Variants in TBC1D12 observed in about 807,000 individuals in gnomAD.
TBC1D12 encodes the protein TBC1 domain family member 12, also known as TBC1 domain family, member 12.
TBC1D12 carries 56 observed loss-of-function variants against 86.7 expected under a neutral mutation model. The observed-to-expected ratio is 0.65, with a 90% CI of 0.52 to 0.81. The LOEUF (loss-of-function observed/expected upper bound fraction) is 0.81. TBC1D12 is among the 30% of genes least tolerant of loss of function. The pLI, the probability that TBC1D12 is intolerant of heterozygous loss-of-function variation, is 0.00. For missense variants in TBC1D12, 1,023 were observed against 1,038.8 expected (o/e 0.98, Z 0.21); for synonymous variants, 421 against 411.7 (o/e 1.02, Z -0.27).
Position 94,533,287 on chromosome 10 carries a change from T to C in TBC1D12, c.*191T>C, listed in dbSNP as rs1485441557. ...TAACTTATTGACAGTATTAATAAAC[T>C]ATTATTTTGTAGGTAGAGTCATTTT... On this transcript the variant is annotated 3_prime_UTR_variant, in exon 13 of 13. Transcript: ENST00000225235. 2.6e-6 allele frequency: 1 copy of C among 384,040 alleles called. No homozygotes were observed. The highest frequency in any genetic ancestry group is 4.3e-5 in the East Asian group (1 of 23,448). The allele number at this position is 384,040 out of a possible 1,614,324, so 23.8% of individuals were successfully genotyped here. A position where few individuals can be genotyped will look rare whatever the true frequency, so the allele number is the denominator to read the frequency against.
At chr10:94,432,964 G>A (rs959678241) in intron 1 of TBC1D12, among the ~76,000 whole-genome samples, 14 of 152,100 alleles carry the variant, frequency 9.2e-5, no homozygotes, top group African/African-American at 3.4e-4. Flanking sequence ...CAGCACTTTG[G>A]GAGGCTGAGA....
chr10:94,476,104 T>C (rs1474916084), intron 3 of TBC1D12, among the ~76,000 whole-genome samples: 2 of 152,056 alleles, frequency 1.3e-5, no homozygotes, highest in African/African-American at 4.8e-5. Flanking sequence ...CGCACCTGGC[T>C]AAAGAATTCT....
chr10:94,487,498 AC>A (rs2056182996), intron 3 of TBC1D12, among the ~76,000 whole-genome samples: 1 of 151,046 alleles, frequency 6.6e-6, no homozygotes, highest in African/African-American at 2.4e-5. Flanking sequence ...ATTTGAGGTT[AC>A]CATGTGGCTT....
At chr10:94,481,564 A>T (rs189150921) in intron 3 of TBC1D12, among the ~76,000 whole-genome samples, 14 of 152,328 alleles carry the variant, frequency 9.2e-5, no homozygotes, top group Admixed American at 7.8e-4. Flanking sequence ...CATAGAATTG[A>T]AGAGAGTTAG....
chr10:94,461,431 C>A (rs577511073), intron 2 of TBC1D12, among the ~76,000 whole-genome samples: 173 of 152,204 alleles, frequency 1.1e-3, no homozygotes, highest in Middle Eastern at 3.4e-3. Flanking sequence ...GAGGGCAGAC[C>A]TTGTTAAGAA....
intron 2 of TBC1D12, among the ~76,000 whole-genome samples, chr10:94,458,716 T>C (rs890061752): frequency 9.9e-5 from 15 of 152,168 alleles, no homozygotes; most frequent in African/African-American, 3.4e-4. Flanking sequence ...GGTGAAGCTG[T>C]AGACCTTCAT....
At chr10:94,427,579 C>G (rs1445883079) in intron 1 of TBC1D12, among the ~76,000 whole-genome samples, 1 of 151,966 alleles carries the variant, frequency 6.6e-6, no homozygotes, top group East Asian at 1.9e-4. Flanking sequence ...CATCTGTAAT[C>G]CCAGCACTTT....
chr10:94,491,677 G>A (rs2056246998), intron 3 of TBC1D12, among the ~76,000 whole-genome samples: 1 of 152,088 alleles, frequency 6.6e-6, no homozygotes, highest in Non-Finnish European at 1.5e-5. Flanking sequence ...ATCCTGCTAG[G>A]GACATGAGTT....
chr10:94,487,659 TTTG>T (rs1403943065), intron 3 of TBC1D12, among the ~76,000 whole-genome samples: 3 of 151,668 alleles, frequency 2.0e-5, no homozygotes, highest in Non-Finnish European at 2.9e-5. Flanking sequence ...AAAAAAACTT[TTTG>T]TTGTTTCTTT....
At chr10:94,484,018 A>C (rs2134161419) in intron 3 of TBC1D12, among the ~76,000 whole-genome samples, 1 of 152,230 alleles carries the variant, frequency 6.6e-6, no homozygotes, top group South Asian at 2.1e-4. Context: ...ATTTCCCAGT[A>C]TCATTTATTG....
In TBC1D12 at chr10:94,535,711, C is replaced by G. The variant is rs1283322055; in HGVS notation, c.*2615C>G. On this transcript the variant is annotated 3_prime_UTR_variant, in exon 13 of 13. Coordinates refer to ENST00000225235, the MANE Select transcript of TBC1D12 (RefSeq NM_015188.2). ...AGGGAATATAACATCTGGCAGTAAT[C>G]TCATTCAGGTTATACTACCTGACTA... 1 of 152,138 alleles carries G rather than the reference C, an allele frequency of 6.6e-6. No homozygotes were observed. Among genetic ancestry groups the G allele is most frequent in the Admixed American group, 6.5e-5 (1 of 15,270 alleles). 9.4% of individuals were successfully genotyped at this position (152,138 alleles called of 1,614,324 possible).
chr10:94,455,978 A>G (rs1432604376), intron 2 of TBC1D12, among the ~76,000 whole-genome samples: 1 of 152,028 alleles, frequency 6.6e-6, no homozygotes, highest in Non-Finnish European at 1.5e-5. Flanking sequence ...TGTTCATAAT[A>G]CTTATTCATT....
intron 9 of TBC1D12, among the ~76,000 whole-genome samples, chr10:94,518,697 A>G (rs1842065891): frequency 6.6e-6 from 1 of 152,224 alleles, no homozygotes; most frequent in African/African-American, 2.4e-5. Flanking sequence ...TTATAGAAAT[A>G]ACTTTTTCTT....
rs77809895 is a variant in TBC1D12, at chr10:94,444,357, G to C, written c.1095+2338G>C. 7.6e-3 allele frequency among the ~76,000 whole-genome samples: 1,157 copies of C among 151,916 alleles called. 16 individuals are homozygous for C. Among genetic ancestry groups the C allele is most frequent in the African/African-American group, 0.027 (1,106 of 41,464 alleles). On this transcript the variant is annotated intron_variant, in intron 2 of 12. Transcript: ENST00000225235. ...AAGAGTTACTGTGAAAAAAATCAGA[G>C]ACACTAAAGGCATTGACCAAGAAAG...
At chr10:94,492,673 A>G (rs1051345715) in intron 3 of TBC1D12, among the ~76,000 whole-genome samples, 8 of 152,228 alleles carry the variant, frequency 5.3e-5, no homozygotes, top group African/African-American at 1.9e-4. Context: ...AAAAAAAGCC[A>G]GACACAAGAG....
intron 1 of TBC1D12, among the ~76,000 whole-genome samples, chr10:94,403,905 A>G (rs1234808857): frequency 1.3e-5 from 2 of 151,748 alleles, no homozygotes; most frequent in Admixed American, 6.5e-5. Flanking sequence ...AGTGCCACAT[A>G]TGCAGTTGCC....
At chr10:94,403,657 G>A (rs2054808221) in intron 1 of TBC1D12, 73 bp downstream of exon 1, 1 of 1,377,694 alleles carries the variant, frequency 7.3e-7, no homozygotes, top group African/African-American at 1.5e-5. Context: ...GGTGGGAGTC[G>A]GAGCCGGAGC....
At chr10:94,421,200 C>T (rs897625292) in intron 1 of TBC1D12, among the ~76,000 whole-genome samples, 1 of 152,104 alleles carries the variant, frequency 6.6e-6, no homozygotes, top group Non-Finnish European at 1.5e-5. Flanking sequence ...CACCCCCTGG[C>T]CTCTGGTAAC....
intron 1 of TBC1D12, among the ~76,000 whole-genome samples, chr10:94,403,972 A>G (rs1488026024): frequency 6.6e-6 from 1 of 151,782 alleles, no homozygotes; most frequent in African/African-American, 2.4e-5. Flanking sequence ...TTTTACTACA[A>G]ACATTTAGGT....
Sources: allele counts gnomAD v4.1 joint callset (sites outside exome capture counted in the v4.1 genomes callset), GRCh38; gene constraint gnomAD v4.1.1; transcripts MANE v1.5; gene names NCBI Gene and HGNC (gene_info 2026-07-23, HGNC 2026-07-21).